Variants in DMD observed in about 807,000 individuals in gnomAD.
DMD encodes the protein dystrophin.
In DMD, 63 loss-of-function variants were observed where a neutral mutation model predicts 330.1. That is an observed-to-expected ratio of 0.19 (90% CI 0.16 to 0.24). The LOEUF is 0.24. Ranked by LOEUF, DMD falls within the 10% of genes least tolerant of loss-of-function variation. The pLI, the probability that DMD is intolerant of heterozygous loss-of-function variation, is 1.00. For missense variants in DMD, 3,344 were observed against 2,684.1 expected, an observed-to-expected ratio of 1.25 and a Z score of -5.43; for synonymous variants, 1,223 against 959.8, an observed-to-expected ratio of 1.27 and a Z score of -5.07.
chrX:32,949,361 GATAGATAGATAGAT>G (rs2091064603), intron 2 of DMD, among the ~76,000 whole-genome samples: 9 of 91,706 alleles, frequency 9.8e-5, no homozygotes, highest in African/African-American at 3.6e-4. Flanking sequence ...TAGATAGATA[GATAGATAGATAGAT>G]AGATAGATAG....
intron 55 of DMD, among the ~76,000 whole-genome samples, chrX:31,565,989 G>T (rs1213806632): frequency 2.7e-5 from 3 of 111,611 alleles, no homozygotes; most frequent in Non-Finnish European, 5.7e-5. Flanking sequence ...TTGCAGTTTT[G>T]AGAGTTCTTT....
chrX:33,172,361 A>G lies in DMD; in HGVS notation c.31+38921T>C, dbSNP rs147559457. Among the ~76,000 whole-genome samples the G allele has an allele frequency of 3.2e-3, 355 of 111,894 alleles. 5 individuals carry two copies. In the East Asian group the frequency reaches 0.081, roughly 26 times the overall value. Reference sequence around the variant, plus strand: ...TTTACTCATTTTTGAAAGAAGGACTAGTCGGATGCTGGCCATAAACAGGGG... The same window carrying G: ...TTTACTCATTTTTGAAAGAAGGACTGGTCGGATGCTGGCCATAAACAGGGG... On this transcript the variant is annotated intron_variant, in intron 1 of 78. Transcript: ENST00000357033.
intron 7 of DMD, among the ~76,000 whole-genome samples, chrX:32,805,695 G>A (rs76557947): frequency 3.4e-4 from 38 of 111,537 alleles, no homozygotes; most frequent in African/African-American, 1.2e-3. Flanking sequence ...GAGAAAGGTC[G>A]GCTTACCCAC....
chrX:31,676,206 C>T (rs186182100), intron 53 of DMD, among the ~76,000 whole-genome samples: 49 of 112,016 alleles, frequency 4.4e-4, no homozygotes, highest in African/African-American at 1.1e-3. Flanking sequence ...AAAGAACTTA[C>T]GGAGCAAGGG....
At chrX:31,863,169 C>A (rs959996317) in intron 48 of DMD, among the ~76,000 whole-genome samples, 6 of 112,154 alleles carry the variant, frequency 5.3e-5, no homozygotes, top group Non-Finnish European at 7.5e-5. Flanking sequence ...TGGTGAAACC[C>A]CGCCTCTACT....
intron 60 of DMD, among the ~76,000 whole-genome samples, chrX:31,394,868 A>G (rs1337348123): frequency 1.8e-5 from 2 of 109,012 alleles, no homozygotes; most frequent in African/African-American, 6.7e-5. Flanking sequence ...TGATCTCATA[A>G]GGATCACAAT....
intron 60 of DMD, among the ~76,000 whole-genome samples, chrX:31,413,296 G>T (rs995128090): frequency 8.9e-6 from 1 of 112,181 alleles, no homozygotes; most frequent in East Asian, 2.8e-4. Context: ...CATATAAAGC[G>T]CCACAAAGTC....
intron 29 of DMD, among the ~76,000 whole-genome samples, chrX:32,434,477 A>C (rs181261369): frequency 1.8e-5 from 2 of 112,223 alleles, no homozygotes; most frequent in African/African-American, 6.5e-5. Flanking sequence ...TAACCAACCA[A>C]AAATCAAGAG....
intron 2 of DMD, among the ~76,000 whole-genome samples, chrX:32,951,823 T>A (rs1486500950): frequency 8.9e-6 from 1 of 111,981 alleles, no homozygotes; most frequent in South Asian, 3.7e-4. Context: ...AAGACTCACA[T>A]TTATTACATA....
chrX:32,427,204 G>A (rs903655351), intron 29 of DMD, among the ~76,000 whole-genome samples: 1 of 111,633 alleles, frequency 9.0e-6, no homozygotes, highest in African/African-American at 3.3e-5. Flanking sequence ...AAAAGTTTTG[G>A]TATGAGAAAT....
chrX:31,283,373 G>A (rs961485370), intron 62 of DMD, among the ~76,000 whole-genome samples: 5 of 111,236 alleles, frequency 4.5e-5, no homozygotes, highest in African/African-American at 1.6e-4. Context: ...TGTCTGAATT[G>A]GTGAAGAAAG....
chrX:32,281,919 A>T (rs2097422193), intron 43 of DMD, among the ~76,000 whole-genome samples: 1 of 111,941 alleles, frequency 8.9e-6, no homozygotes, highest in African/African-American at 3.2e-5. Flanking sequence ...ACCATCTTGA[A>T]TTTAACTACT....
chrX:32,949,276 A>G (rs2091036335), intron 2 of DMD, among the ~76,000 whole-genome samples: 1 of 108,211 alleles, frequency 9.2e-6, no homozygotes, highest in African/African-American at 3.4e-5. Context: ...ACACACACAC[A>G]CACACACACA....
intron 1 of DMD, among the ~76,000 whole-genome samples, chrX:33,069,979 A>T (rs1165574107): frequency 7.2e-5 from 8 of 111,712 alleles, no homozygotes; most frequent in African/African-American, 2.6e-4. Flanking sequence ...AATCTTGTGG[A>T]TTTACATTGC....
chrX:32,184,443 G>A (rs1440778298), intron 44 of DMD, among the ~76,000 whole-genome samples: 1 of 111,286 alleles, frequency 9.0e-6, no homozygotes, highest in Non-Finnish European at 1.9e-5. Context: ...AGATGTAAAT[G>A]ATGAAAAATC....
intron 51 of DMD, among the ~76,000 whole-genome samples, chrX:31,742,033 A>G (rs1450511901): frequency 8.9e-6 from 1 of 112,037 alleles, no homozygotes; most frequent in Non-Finnish European, 1.9e-5. Flanking sequence ...GCTCATGAAC[A>G]TACTTCTGCT....
intron 9 of DMD, among the ~76,000 whole-genome samples, chrX:32,688,689 C>T (rs2063059553): frequency 9.0e-6 from 1 of 111,459 alleles, no homozygotes; most frequent in South Asian, 3.8e-4. Context: ...GAGAAAATAG[C>T]ATATGCAGGT....
At chrX:32,701,961 T>A (rs757586336) in intron 7 of DMD, among the ~76,000 whole-genome samples, 2 of 111,938 alleles carry the variant, frequency 1.8e-5, no homozygotes, top group Non-Finnish European at 3.8e-5. Context: ...AAACTATTAC[T>A]ATCCCACTTC....
intron 44 of DMD, among the ~76,000 whole-genome samples, chrX:32,133,921 C>G (rs892928140): frequency 2.7e-5 from 3 of 111,634 alleles, no homozygotes; most frequent in African/African-American, 9.8e-5. Flanking sequence ...CAGCCCCAAA[C>G]AGCAGATAAA....
Sources: allele counts gnomAD v4.1 joint callset (sites outside exome capture counted in the v4.1 genomes callset), GRCh38; gene constraint gnomAD v4.1.1; transcripts MANE v1.5; gene names NCBI Gene and HGNC (gene_info 2026-07-23, HGNC 2026-07-21).